The following TSPAN18 variants were observed in gnomAD, a reference collection of about 807,000 sequenced individuals.
The protein encoded by TSPAN18 is tetraspanin-18.
In TSPAN18, 14 loss-of-function variants were observed where a neutral mutation model predicts 27.3. That is an observed-to-expected ratio of 0.51 (90% CI 0.34 to 0.80). TSPAN18 has a LOEUF of 0.80. Ranked by LOEUF, TSPAN18 falls within the 30% of genes least tolerant of loss-of-function variation. The pLI is 0.01. For synonymous variants in TSPAN18, 143 were observed against 136.5 expected (o/e 1.05, Z -0.33); for missense variants, 268 against 323.9 (o/e 0.83, Z 1.32).
At chr11:44,751,678 G>T (rs1365982792) in intron 1 of TSPAN18, among the ~76,000 whole-genome samples, 1 of 152,146 alleles carries the variant, frequency 6.6e-6, no homozygotes, top group South Asian at 2.1e-4. Context: ...AGCACTTTGG[G>T]AGGCCAAGGT....
rs528635393 is a variant in TSPAN18, at chr11:44,922,788, A to G, written c.615+2789A>G. Reference sequence around the variant, plus strand: ...GCTTCTGGTTTGGGGACGATCTTGCATTCAGTCTGGGGCATGTTGCGTCTA... The same window carrying G: ...GCTTCTGGTTTGGGGACGATCTTGCGTTCAGTCTGGGGCATGTTGCGTCTA... On this transcript the variant is annotated intron_variant, in intron 8 of 9. Coordinates refer to ENST00000520358, the MANE Select transcript of TSPAN18 (RefSeq NM_130783.5). Among the ~76,000 whole-genome samples the G allele has an allele frequency of 6.6e-5, 10 of 152,132 alleles. 1 individual carries two copies. Among genetic ancestry groups the G allele is most frequent in the Non-Finnish European group, 1.5e-4 (10 of 68,014 alleles).
intron 2 of TSPAN18, among the ~76,000 whole-genome samples, chr11:44,853,856 C>T (rs111493206): frequency 4.8e-4 from 73 of 152,166 alleles, no homozygotes; most frequent in African/African-American, 1.5e-3. Context: ...CTGGGCCTCC[C>T]GGTTCTGTGT....
At chr11:44,783,733 C>T (rs1443298653) in intron 2 of TSPAN18, among the ~76,000 whole-genome samples, 2 of 152,158 alleles carry the variant, frequency 1.3e-5, no homozygotes, top group East Asian at 1.9e-4. Flanking sequence ...TTATGCCAGG[C>T]GCTTGCCTGA....
chr11:44,844,393 C>T (rs1213068938), intron 2 of TSPAN18, among the ~76,000 whole-genome samples: 2 of 151,926 alleles, frequency 1.3e-5, no homozygotes, highest in Non-Finnish European at 2.9e-5. Flanking sequence ...AATGCTGTGT[C>T]TTGTGTTTAG....
At chr11:44,864,064 G>A (rs567654707) in intron 3 of TSPAN18, among the ~76,000 whole-genome samples, 5 of 152,006 alleles carry the variant, frequency 3.3e-5, no homozygotes, top group South Asian at 4.2e-4. Context: ...TGAGGCGGGC[G>A]GATCTCAAGG....
At chr11:44,767,314 G>A (rs113943791) in intron 2 of TSPAN18, among the ~76,000 whole-genome samples, 1 of 152,150 alleles carries the variant, frequency 6.6e-6, no homozygotes, top group Admixed American at 6.5e-5. Context: ...ACCCCAGAAG[G>A]CGAGCATTAA....
chr11:44,740,941 C>G (rs1854918195), intron 1 of TSPAN18, among the ~76,000 whole-genome samples: 1 of 152,176 alleles, frequency 6.6e-6, no homozygotes, highest in Admixed American at 6.5e-5. Flanking sequence ...CCACACCCAG[C>G]TAATTTTTTT....
At chr11:44,888,045 C>T (rs1858718239) in intron 3 of TSPAN18, among the ~76,000 whole-genome samples, 1 of 152,166 alleles carries the variant, frequency 6.6e-6, no homozygotes, top group Admixed American at 6.5e-5. Flanking sequence ...GCTCCTGCCC[C>T]ACTCTGAGGC....
intron 5 of TSPAN18, among the ~76,000 whole-genome samples, chr11:44,910,705 C>G (rs764734860): frequency 7.2e-5 from 11 of 152,326 alleles, no homozygotes; most frequent in Non-Finnish European, 1.0e-4. Flanking sequence ...AAGTAAGTAG[C>G]CCTTGAACTC....
chr11:44,836,260 G>A (rs1386998932), intron 2 of TSPAN18, among the ~76,000 whole-genome samples: 2 of 152,230 alleles, frequency 1.3e-5, no homozygotes, highest in Non-Finnish European at 2.9e-5. Context: ...TGCTACTCCA[G>A]TGAACACACA....
At chr11:44,894,286 G>A (rs1395141225) in intron 3 of TSPAN18, among the ~76,000 whole-genome samples, 6 of 152,220 alleles carry the variant, frequency 3.9e-5, no homozygotes, top group South Asian at 4.1e-4. Context: ...TGGTGGGAAC[G>A]CAGTTGCAGG....
intron 8 of TSPAN18, 46 bp from the exon 9 acceptor site, chr11:44,926,628 A>G: frequency 6.4e-7 from 1 of 1,555,260 alleles, no homozygotes; most frequent in Non-Finnish European, 8.9e-7. Flanking sequence ...TGACTCCAGG[A>G]CTCTCAACCC....
At chr11:44,742,244 C>T (rs987692445) in intron 1 of TSPAN18, among the ~76,000 whole-genome samples, 1 of 149,942 alleles carries the variant, frequency 6.7e-6, no homozygotes, top group Non-Finnish European at 1.5e-5. Context: ...TAGCCTGCCT[C>T]ACCCCTCCCC....
intron 2 of TSPAN18, among the ~76,000 whole-genome samples, chr11:44,786,963 T>C (rs1856073444): frequency 6.6e-6 from 1 of 152,138 alleles, no homozygotes; most frequent in Non-Finnish European, 1.5e-5. Flanking sequence ...CCTTGCTCCA[T>C]TTTCCTCTGC....
chr11:44,898,223 C>T (rs1045479196), intron 3 of TSPAN18, among the ~76,000 whole-genome samples: 1 of 152,240 alleles, frequency 6.6e-6, no homozygotes, highest in Non-Finnish European at 1.5e-5. Context: ...CCACAGGGCA[C>T]TGGGCTGGGC....
intron 2 of TSPAN18, among the ~76,000 whole-genome samples, chr11:44,835,498 G>A (rs1362032396): frequency 3.3e-5 from 5 of 152,120 alleles, no homozygotes; most frequent in Non-Finnish European, 7.3e-5. Context: ...TGCTCCCAGG[G>A]AAGGAGGAAG....
chr11:44,910,017 G>A, intron 5 of TSPAN18, 118 bp downstream of exon 5: 1 of 1,257,584 alleles, frequency 8.0e-7, no homozygotes, highest in South Asian at 1.5e-5. Flanking sequence ...AACTGGGGCG[G>A]GCTGTCAAAG....
At chr11:44,825,980 C>A (rs1340817197) in intron 2 of TSPAN18, among the ~76,000 whole-genome samples, 4 of 152,176 alleles carry the variant, frequency 2.6e-5, no homozygotes, top group Non-Finnish European at 5.9e-5. Flanking sequence ...CCTCTCTCAG[C>A]CTGCATTTCC....
At chr11:44,804,672 C>T (rs1856554133) in intron 2 of TSPAN18, among the ~76,000 whole-genome samples, 1 of 152,176 alleles carries the variant, frequency 6.6e-6, no homozygotes, top group Admixed American at 6.5e-5. Flanking sequence ...CAGAGCTCCC[C>T]TCTGGTAGCT....
Sources: allele counts gnomAD v4.1 joint callset (sites outside exome capture counted in the v4.1 genomes callset), GRCh38; gene constraint gnomAD v4.1.1; transcripts MANE v1.5; gene names NCBI Gene and HGNC (gene_info 2026-07-23, HGNC 2026-07-21).